The following NFIC variants were observed in gnomAD, a reference collection of about 807,000 sequenced individuals.
The protein encoded by NFIC is nuclear factor 1 C-type.
A neutral mutation model predicts 54.4 loss-of-function variants in NFIC; 12 were observed. The ratio of observed to expected loss-of-function variants is 0.22; its 90% CI spans 0.14 to 0.36. The LOEUF is 0.36. NFIC is among the 10% of genes least tolerant of loss of function. The probability of loss-of-function intolerance (pLI) is 1.00; values close to 1 mark genes in which losing one functional copy is unlikely to be tolerated. For synonymous variants in NFIC, 322 were observed against 319.2 expected (o/e 1.01, Z -0.09); for missense variants, 575 against 718.2 (o/e 0.80, Z 2.28).
At chr19:3,425,280 G>C in intron 3 of NFIC, 103 bp downstream of exon 3, 1 of 1,338,362 alleles carries the variant, frequency 7.5e-7, no homozygotes. Context: ...TTACAGATGA[G>C]CAGACTGAGG....
At position 3,375,222 on chromosome 19, in the gene NFIC, A is replaced by G. The variant is rs2081085620; in HGVS notation, c.31-6490A>G. Among the ~76,000 whole-genome samples the G allele has an allele frequency of 6.6e-6, 1 of 152,122 alleles. No individual in the cohort carries two copies. Among genetic ancestry groups the G allele is most frequent in the Non-Finnish European group, 1.5e-5 (1 of 68,006 alleles). On this transcript the variant is annotated intron_variant, in intron 1 of 10. Transcript: ENST00000443272. The surrounding 1 kb of genome is among the most constrained non-coding windows in gnomAD (Gnocchi z 4.6). ...CCCCTGTCCCTTCCAGCAGCCTCTT[A>G]TCACAGCCCCAGTAAGCGCCAGAGC...
intron 3 of NFIC, among the ~76,000 whole-genome samples, chr19:3,425,441 GTTTGT>G (rs1004634871): frequency 6.6e-6 from 1 of 152,252 alleles, no homozygotes; most frequent in African/African-American, 2.4e-5. Flanking sequence ...GAGGGTTTTT[GTTTGT>G]TTTGTTTTGT....
At chr19:3,437,564 A>G (rs1176157085) in intron 6 of NFIC, among the ~76,000 whole-genome samples, 1 of 146,042 alleles carries the variant, frequency 6.8e-6, no homozygotes, top group Non-Finnish European at 1.5e-5. Flanking sequence ...TTGTTTTGAG[A>G]TGGAGTCTTG....
At chr19:3,436,319 T>A (rs865886643) in intron 6 of NFIC, among the ~76,000 whole-genome samples, 12,404 of 140,706 alleles carry the variant, frequency 0.088, 740 homozygotes, top group African/African-American at 0.17. Flanking sequence ...ATTTTTTTTT[T>A]TTTTTTTTTT....
At chr19:3,441,254 C>T (rs939920677) in intron 6 of NFIC, among the ~76,000 whole-genome samples, 3 of 152,236 alleles carry the variant, frequency 2.0e-5, no homozygotes, top group Admixed American at 6.5e-5. Context: ...CAGCGGCAAG[C>T]GGGTGCACAG....
intron 3 of NFIC, among the ~76,000 whole-genome samples, chr19:3,428,077 G>A (rs1190361719): frequency 6.6e-6 from 1 of 151,844 alleles, no homozygotes; most frequent in Admixed American, 6.6e-5. Context: ...GGCTGAGGCA[G>A]GAGAATTGCT....
At chr19:3,421,811 T>A (rs1392470657) in intron 2 of NFIC, among the ~76,000 whole-genome samples, 1 of 152,204 alleles carries the variant, frequency 6.6e-6, no homozygotes, top group Admixed American at 6.5e-5. Flanking sequence ...AAGGTCTTGC[T>A]CTGTCACTCA....
At chr19:3,425,063 G>T (rs2082006474) in intron 2 of NFIC, 43 bp from the exon 3 acceptor site, 1 of 1,605,072 alleles carries the variant, frequency 6.2e-7, no homozygotes, top group South Asian at 1.1e-5. Context: ...TCCTGGGGTG[G>T]GGTCTCTGTG....
chr19:3,461,020 G>A (rs987349109), intron 10 of NFIC, among the ~76,000 whole-genome samples: 1 of 152,096 alleles, frequency 6.6e-6, no homozygotes, highest in Non-Finnish European at 1.5e-5. Context: ...AGCTACTCGG[G>A]AGGCTGAGGC....
intron 2 of NFIC, among the ~76,000 whole-genome samples, chr19:3,383,060 G>C (rs2081239082): frequency 6.6e-6 from 1 of 152,098 alleles, no homozygotes; most frequent in Non-Finnish European, 1.5e-5. Flanking sequence ...GAATGTCCTA[G>C]ATGGTCTTGG....
chr19:3,467,157 C>G lies in NFIC; in HGVS notation c.*4388C>G, dbSNP rs1315633935. ...ACATCTTCTCAAATCTTGTTCCACC[C>G]CCCTCTGGAAGCCCCCATCACCCAC... On this transcript the variant is annotated 3_prime_UTR_variant, in exon 11 of 11. Coordinates refer to ENST00000443272, the MANE Select transcript of NFIC (RefSeq NM_001245002.2). The G allele has an allele frequency of 6.7e-6, 1 of 148,398 alleles. No homozygotes were observed. 9.2% of individuals were successfully genotyped at this position (148,398 alleles called of 1,614,324 possible).
At chr19:3,460,019 G>A (rs1426960258) in intron 10 of NFIC, among the ~76,000 whole-genome samples, 1 of 152,180 alleles carries the variant, frequency 6.6e-6, no homozygotes, top group East Asian at 1.9e-4. Flanking sequence ...GCGTTTCCAG[G>A]GCAGGGGTCT....
chr19:3,427,065 T>C (rs1599667449), intron 3 of NFIC, among the ~76,000 whole-genome samples: 2 of 151,948 alleles, frequency 1.3e-5, no homozygotes, highest in East Asian at 3.9e-4. Flanking sequence ...TAGCTGGGAC[T>C]ACAGGCGCCC....
intron 6 of NFIC, among the ~76,000 whole-genome samples, chr19:3,438,433 T>C (rs1343648786): frequency 1.0e-4 from 15 of 147,870 alleles, no homozygotes; most frequent in Admixed American, 2.0e-4. Flanking sequence ...GGGTTTCTTT[T>C]TTTTTTTTTT....
In NFIC at chr19:3,406,906, C is replaced by T. The variant is rs144063088; in HGVS notation, c.563-18200C>T. Among the ~76,000 whole-genome samples, 130 of 152,054 alleles carry T rather than the reference C, an allele frequency of 8.5e-4. 2 individuals are homozygous for T. The highest frequency in any genetic ancestry group is 8.5e-3 in the East Asian group (44 of 5,172). On this transcript the variant is annotated intron_variant, in intron 2 of 10. Transcript: ENST00000443272. ...CAGGGACGGTGTTCCAAGCAGTGTG[C>T]ACAGCCCGTGCAAAGGCCCTGAGGC...
rs916258269 is a variant in NFIC, at chr19:3,419,751, A to G, written c.563-5355A>G. Among the ~76,000 whole-genome samples the G allele has an allele frequency of 5.3e-5, 8 of 151,536 alleles. No homozygotes were observed. The Admixed American group carries it at 5.3e-4, about 10-fold the overall frequency. On this transcript the variant is annotated intron_variant, in intron 2 of 10. Coordinates refer to ENST00000443272, the MANE Select transcript of NFIC (RefSeq NM_001245002.2). ...GAGGCAGAGGCTGCAGTGAGCTGAG[A>G]TCGCACCATTGCACTCCAGCCTGGG...
chr19:3,464,796 C>T lies in NFIC; in HGVS notation c.*2027C>T, dbSNP rs1005405396. 2.4e-5 allele frequency: 20 copies of T among 827,464 alleles called. No homozygotes were observed. The African/African-American group carries it at 3.5e-4, about 14-fold the overall frequency. The allele number at this position is 827,464 out of a possible 1,614,324, so 51.3% of individuals were successfully genotyped here. A position where few individuals can be genotyped will look rare whatever the true frequency, so the allele number is the denominator to read the frequency against. ...ATCCTCTGGCCTCGAGCCCTTGGTC[C>T]CTCCGTCCGTCTGTCCTCGGGGCCC... On this transcript the variant is annotated 3_prime_UTR_variant, in exon 11 of 11. Coordinates refer to ENST00000443272, the MANE Select transcript of NFIC (RefSeq NM_001245002.2).
intron 9 of NFIC, chr19:3,454,170 G>A: frequency 7.9e-7 from 1 of 1,264,450 alleles, no homozygotes; most frequent in Non-Finnish European, 9.9e-7. Flanking sequence ...GAGTCACCTG[G>A]GGGACCCCGG....
rs2082685351 is a variant in NFIC at position 3,464,254 on chromosome 19, C to G, written c.*1485C>G. 1 of 985,296 alleles carries G rather than the reference C, an allele frequency of 1.0e-6. No homozygotes were observed. The highest frequency in any genetic ancestry group is 1.2e-6 in the Non-Finnish European group (1 of 829,934). The allele number at this position is 985,296 out of a possible 1,614,324, so 61.0% of individuals were successfully genotyped here. ...AGAGAGGAGGCCGACGCCAGCGGTCCCCGCTCGGAACGGGGAGGGTTTTCG... is the reference window on the plus strand; with the variant it reads ...AGAGAGGAGGCCGACGCCAGCGGTCGCCGCTCGGAACGGGGAGGGTTTTCG... On this transcript the variant is annotated 3_prime_UTR_variant, in exon 11 of 11. Coordinates refer to ENST00000443272, the MANE Select transcript of NFIC (RefSeq NM_001245002.2).
Sources: allele counts gnomAD v4.1 joint callset (sites outside exome capture counted in the v4.1 genomes callset), GRCh38; gene constraint gnomAD v4.1.1; non-coding constraint Gnocchi (gnomAD v3.1); transcripts MANE v1.5; gene names NCBI Gene and HGNC (gene_info 2026-07-23, HGNC 2026-07-21).